JAKMIP2: variants seen among roughly 807,000 people sequenced by gnomAD.
JAKMIP2 encodes the protein janus kinase and microtubule interacting protein 2, also known as janus kinase and microtubule-interacting protein 2.
A neutral mutation model predicts 115.0 loss-of-function variants in JAKMIP2; 25 were observed. The observed-to-expected ratio is 0.22, with a 90% CI of 0.16 to 0.30. The LOEUF (loss-of-function observed/expected upper bound fraction) is 0.30, where lower values mean the gene tolerates loss of function less well. JAKMIP2 is among the 10% of genes least tolerant of loss of function. The pLI, the probability that JAKMIP2 is intolerant of heterozygous loss-of-function variation, is 1.00. For missense variants in JAKMIP2, 642 were observed against 957.6 expected, an observed-to-expected ratio of 0.67 and a Z score of 4.35; for synonymous variants, 334 against 343.6, an observed-to-expected ratio of 0.97 and a Z score of 0.31.
chr5:147,774,794 G>A (rs1016239437), intron 1 of JAKMIP2, among the ~76,000 whole-genome samples: 5 of 152,028 alleles, frequency 3.3e-5, no homozygotes, highest in African/African-American at 1.2e-4. Flanking sequence ...TTTTTACTGT[G>A]GTTATAAGCA....
intron 1 of JAKMIP2, among the ~76,000 whole-genome samples, chr5:147,711,697 C>G (rs542424638): frequency 6.6e-6 from 1 of 152,302 alleles, no homozygotes; most frequent in African/African-American, 2.4e-5. Flanking sequence ...GACAGAATCT[C>G]GCTCTTGTTG....
chr5:147,721,409 T>G (rs1317990863), intron 1 of JAKMIP2, among the ~76,000 whole-genome samples: 2 of 152,226 alleles, frequency 1.3e-5, no homozygotes, highest in East Asian at 3.9e-4. Flanking sequence ...TTTGTTTACC[T>G]CAGCAAGCCT....
At chr5:147,715,422 T>C (rs2126922741) in intron 1 of JAKMIP2, among the ~76,000 whole-genome samples, 1 of 151,438 alleles carries the variant, frequency 6.6e-6, no homozygotes, top group South Asian at 2.1e-4. Context: ...AAAGAGTCTT[T>C]CTATTAATAT....
At chr5:147,644,252 GGTT>G in intron 6 of JAKMIP2, 54 bp from the exon 7 acceptor site, 2 of 1,430,740 alleles carry the variant, frequency 1.4e-6, no homozygotes, top group Non-Finnish European at 1.9e-6. Flanking sequence ...CTCAAACTTT[GGTT>G]GTTAACATAA....
At chr5:147,600,099 T>G (rs1440294405) in intron 21 of JAKMIP2, among the ~76,000 whole-genome samples, 8 of 148,384 alleles carry the variant, frequency 5.4e-5, no homozygotes, top group Admixed American at 2.7e-4. Flanking sequence ...TTTTTTTTTT[T>G]TTTTTTTTTT....
At position 147,587,924 on chromosome 5, in the gene JAKMIP2, G is replaced by C. The variant is rs1363037293; in HGVS notation, c.*3783C>G. ...GGACTTGGGAAGACACATACAACCTGTATGAGCAGTTATTTGTGGGCCAAA... is the reference window on the plus strand; with the variant it reads ...GGACTTGGGAAGACACATACAACCTCTATGAGCAGTTATTTGTGGGCCAAA... On this transcript the variant is annotated 3_prime_UTR_variant, in exon 22 of 22. Transcript: ENST00000616793. 1 of 145,412 alleles carries C rather than the reference G, an allele frequency of 6.9e-6. No homozygotes were observed. Among genetic ancestry groups the C allele is most frequent in the Non-Finnish European group, 1.5e-5 (1 of 66,918 alleles). The allele number at this position is 145,412 out of a possible 1,614,324, so 9.0% of individuals were successfully genotyped here. A position where few individuals can be genotyped will look rare whatever the true frequency, so the allele number is the denominator to read the frequency against.
At chr5:147,606,153 G>A (rs946071407) in intron 20 of JAKMIP2, among the ~76,000 whole-genome samples, 19 of 151,814 alleles carry the variant, frequency 1.3e-4, no homozygotes, top group African/African-American at 4.4e-4. Context: ...TCTGATGATA[G>A]TTTTTTTTGC....
intron 5 of JAKMIP2, 79 bp from the exon 6 acceptor site, chr5:147,645,075 G>T (rs568015828): frequency 1.4e-6 from 2 of 1,386,474 alleles, no homozygotes; most frequent in South Asian, 2.6e-5. Flanking sequence ...GGGAGTGAAA[G>T]CACCTCTGGA....
intron 1 of JAKMIP2, among the ~76,000 whole-genome samples, chr5:147,715,707 G>A (rs1211864480): frequency 6.6e-6 from 1 of 151,674 alleles, no homozygotes; most frequent in African/African-American, 2.4e-5. Flanking sequence ...CAAGACCATA[G>A]TCGTAGTAGG....
chr5:147,748,046 A>C (rs1362995271), intron 1 of JAKMIP2, among the ~76,000 whole-genome samples: 1 of 152,204 alleles, frequency 6.6e-6, no homozygotes, highest in Non-Finnish European at 1.5e-5. Context: ...GAATGCTGAG[A>C]CTATTCCGAG....
At chr5:147,721,539 T>C (rs1478034636) in intron 1 of JAKMIP2, among the ~76,000 whole-genome samples, 10 of 151,886 alleles carry the variant, frequency 6.6e-5, no homozygotes, top group South Asian at 2.1e-4. Context: ...AGGTGCGGGG[T>C]ATAATCTCGT....
At chr5:147,720,062 A>G (rs1753201161) in intron 1 of JAKMIP2, among the ~76,000 whole-genome samples, 1 of 152,048 alleles carries the variant, frequency 6.6e-6, no homozygotes, top group Non-Finnish European at 1.5e-5. Flanking sequence ...AAACTCTCTC[A>G]GCATTTGCTT....
chr5:147,604,738 A>C (rs1349438610), intron 20 of JAKMIP2, among the ~76,000 whole-genome samples: 1 of 150,632 alleles, frequency 6.6e-6, no homozygotes, highest in East Asian at 2.0e-4. Flanking sequence ...CCAGAGAAAA[A>C]CCTCTTTGGC....
rs1157812073 is a variant in JAKMIP2, at chr5:147,746,483, AAATAT to A, written c.-149+35968_-149+35972del. 2.6e-5 allele frequency among the ~76,000 whole-genome samples: 4 copies of A among 152,032 alleles called. No homozygotes were observed. In the South Asian group the frequency reaches 6.2e-4, roughly 24 times the overall value. On this transcript the variant is annotated intron_variant, in intron 1 of 21. Transcript: ENST00000616793. ...TATATATAAACAAATGAATATATGTAAATATAATATACAAAACATAAATAGCAAAT... is the reference window on the plus strand; with the variant it reads ...TATATATAAACAAATGAATATATGTAAATATACAAAACATAAATAGCAAAT...
chr5:147,676,728 G>A (rs934469776), intron 1 of JAKMIP2, among the ~76,000 whole-genome samples: 3 of 152,212 alleles, frequency 2.0e-5, no homozygotes, highest in African/African-American at 4.8e-5. Context: ...AGATATTAGA[G>A]AAGTTAGAGA....
chr5:147,688,536 A>T (rs1760680327), intron 1 of JAKMIP2, among the ~76,000 whole-genome samples: 1 of 152,160 alleles, frequency 6.6e-6, no homozygotes, highest in African/African-American at 2.4e-5. Context: ...TAATAATAAT[A>T]AATAATAGTC....
chr5:147,704,788 T>C (rs1200342720), intron 1 of JAKMIP2, among the ~76,000 whole-genome samples: 1 of 152,188 alleles, frequency 6.6e-6, no homozygotes, highest in African/African-American at 2.4e-5. Flanking sequence ...GTGGTTATTC[T>C]GATTTTGCAG....
At chr5:147,620,209 C>T (rs1400733802) in intron 18 of JAKMIP2, among the ~76,000 whole-genome samples, 1 of 152,222 alleles carries the variant, frequency 6.6e-6, no homozygotes, top group Non-Finnish European at 1.5e-5. Flanking sequence ...ATCCTCCCTC[C>T]TCAGCCTCCT....
chr5:147,617,886 G>A (rs189163367), intron 19 of JAKMIP2, 25 bp downstream of exon 19: 78 of 1,597,730 alleles, frequency 4.9e-5, no homozygotes, highest in Non-Finnish European at 5.9e-5. Context: ...CTAACCCTAC[G>A]CAGAGGCAGT....
Sources: allele counts gnomAD v4.1 joint callset (sites outside exome capture counted in the v4.1 genomes callset), GRCh38; gene constraint gnomAD v4.1.1; transcripts MANE v1.5; gene names NCBI Gene and HGNC (gene_info 2026-07-23, HGNC 2026-07-21).